DMAP1: variants seen among roughly 807,000 people sequenced by gnomAD.
DMAP1 encodes DNA methyltransferase 1-associated protein 1.
Under a neutral mutation model 52.7 loss-of-function variants are expected in DMAP1, and 26 were observed. The observed-to-expected ratio is 0.49, with a 90% CI of 0.36 to 0.68. DMAP1 has a LOEUF of 0.68. DMAP1 is among the 30% of genes least tolerant of loss of function. The pLI, the probability that DMAP1 is intolerant of heterozygous loss-of-function variation, is 0.00. For synonymous variants in DMAP1, 231 were observed against 246.0 expected (o/e 0.94, Z 0.57); for missense variants, 439 against 625.2 (o/e 0.70, Z 3.18).
Position 44,214,871 on chromosome 1 carries a change from G to A in DMAP1, c.366G>A (p.Lys122=), listed in dbSNP as rs773176484. The change falls in exon 3 of 10, where the codon AAG becomes AAA. Residue 122 remains lysine, a synonymous_variant. Transcript: ENST00000372289. ...FHWRRAAEEG[K]DYPFARFNKT... Reference sequence around the variant, plus strand: ...GGCGACGTGCAGCGGAGGAGGGCAAGGACTACCCCTTTGCCAGGTTCAATA... The same window carrying A: ...GGCGACGTGCAGCGGAGGAGGGCAAAGACTACCCCTTTGCCAGGTTCAATA... The A allele has an allele frequency of 9.3e-6, 15 of 1,614,180 alleles. No individual in the cohort carries two copies. Among genetic ancestry groups the A allele is most frequent in the Non-Finnish European group, 1.3e-5 (15 of 1,180,034 alleles).
At chr1:44,219,004 A>G (rs1392850297) in intron 5 of DMAP1, 52 bp from the exon 6 acceptor site, 4 of 1,599,668 alleles carry the variant, frequency 2.5e-6, no homozygotes, top group Non-Finnish European at 2.6e-6. Context: ...CTCCGTGTCT[A>G]CCCTCACTCC....
chr1:44,218,061 T>C lies in DMAP1; in HGVS notation c.394-250T>C. On this transcript the variant is annotated intron_variant, in intron 3 of 9. Coordinates refer to ENST00000372289, the MANE Select transcript of DMAP1 (RefSeq NM_019100.5). The surrounding 1 kb of genome is among the most constrained non-coding windows in gnomAD (Gnocchi z 5.6). ...CCTTAACTATGGGGGCAGGAGTGTG[T>C]GTCCCATGACTGAGGCTCTGGAGCT... is the stretch of plus-strand genomic sequence containing the variant. 1 of 589,602 alleles carries C rather than the reference T, an allele frequency of 1.7e-6. No individual in the cohort carries two copies. The highest frequency in any genetic ancestry group is 3.1e-6 in the Non-Finnish European group (1 of 324,672). The allele number at this position is 589,602 out of a possible 1,614,324, so 36.5% of individuals were successfully genotyped here.
At chr1:44,220,498 C>T in intron 9 of DMAP1, 61 bp from the exon 10 acceptor site, 3 of 1,613,998 alleles carry the variant, frequency 1.9e-6, no homozygotes. Context: ...GAAGCACATG[C>T]ACTAAGCCTG....
In DMAP1 at chr1:44,218,967, C is replaced by T; in HGVS notation, c.721-89C>T. On this transcript the variant is annotated intron_variant, in intron 5 of 9. Transcript: ENST00000372289. This position sits in a 1 kb window ranked among gnomAD's most constrained non-coding sequence, Gnocchi z 5.6. ...CATGATCCATTACTTCTCAGATTCC[C>T]TCACAGACAGCCCAGCACCCTGTCA... is the stretch of plus-strand genomic sequence containing the variant. The T allele has an allele frequency of 6.5e-7, 1 of 1,528,362 alleles. No homozygotes were observed. The highest frequency in any genetic ancestry group is 8.9e-7 in the Non-Finnish European group (1 of 1,124,408). The allele number at this position is 1,528,362 out of a possible 1,614,324, so 94.7% of individuals were successfully genotyped here.
chr1:44,214,609 G>A, intron 2 of DMAP1, 94 bp from the exon 3 acceptor site: 2 of 1,613,262 alleles, frequency 1.2e-6, no homozygotes, highest in South Asian at 2.2e-5. Flanking sequence ...TGACTTTCTT[G>A]CTATAGGGTA....
At chr1:44,215,838 T>G (rs1210292018) in intron 3 of DMAP1, 1 of 158,906 alleles carries the variant, frequency 6.3e-6, no homozygotes, top group Non-Finnish European at 1.4e-5. Flanking sequence ...ACTCACCCAT[T>G]CAGTGAGAGG....
chr1:44,218,696 G>A lies in DMAP1; in HGVS notation c.661G>A (p.Gly221Arg), dbSNP rs746856748. The A allele has an allele frequency of 6.2e-6, 10 of 1,613,688 alleles. No individual in the cohort carries two copies. The highest frequency in any genetic ancestry group is 4.0e-5 in the African/African-American group (3 of 74,894). ...TDLKIPVFDA[G>R]HERRRKEQLE... ...CCTTAAGATACCAGTATTTGATGCT[G>A]GGCACGAACGACGGCGGAAGGAACA... Residue 221 changes from glycine to arginine, a missense_variant, in exon 5 of 10, where the codon GGG becomes AGG. By Grantham distance (125) the Gly-to-Arg change is moderately radical. Coordinates refer to ENST00000372289, the MANE Select transcript of DMAP1 (RefSeq NM_019100.5). The surrounding 1 kb of genome is among the most constrained non-coding windows in gnomAD (Gnocchi z 5.6).
At position 44,213,934 on chromosome 1, in the gene DMAP1, G is replaced by A. The variant is rs918160716; in HGVS notation, c.105+76G>A. On this transcript the variant is annotated intron_variant, in intron 1 of 9. Coordinates refer to ENST00000372289, the MANE Select transcript of DMAP1 (RefSeq NM_019100.5). This position sits in a 1 kb window ranked among gnomAD's most constrained non-coding sequence, Gnocchi z 4.5. ...ATGGGGAGGAGTGACAACGGGCAAG[G>A]GATGGGTGCTACACTTACAGTGAGT... The A allele has an allele frequency of 4.5e-6, 6 of 1,326,464 alleles. No individual in the cohort carries two copies. In the African/African-American group the frequency reaches 8.7e-5, roughly 19 times the overall value. The allele number at this position is 1,326,464 out of a possible 1,614,324, so 82.2% of individuals were successfully genotyped here.
chr1:44,219,522 C>A (rs1313804178), intron 7 of DMAP1, 45 bp downstream of exon 7: 2 of 1,518,750 alleles, frequency 1.3e-6, no homozygotes, highest in Non-Finnish European at 1.8e-6. Context: ...CTGGGCTCTG[C>A]TCTGGGCTCC....
rs1643736575 is a variant in DMAP1 at position 44,213,997 on chromosome 1, A to G, written c.105+139A>G. ...GGGGTGACATAACAGGACAGGGAAT[A>G]TGTGTCATCCTTGATGGGAGGGAGG... On this transcript the variant is annotated intron_variant, in intron 1 of 9. Coordinates refer to ENST00000372289, the MANE Select transcript of DMAP1 (RefSeq NM_019100.5). This position sits in a 1 kb window ranked among gnomAD's most constrained non-coding sequence, Gnocchi z 4.5. 3.7e-6 allele frequency: 3 copies of G among 807,674 alleles called. No homozygotes were observed. Among genetic ancestry groups the G allele is most frequent in the African/African-American group, 1.7e-5 (1 of 58,368 alleles). 50.0% of individuals were successfully genotyped at this position (807,674 alleles called of 1,614,324 possible).
chr1:44,216,710 C>CAG (rs1643801379), intron 3 of DMAP1: 1 of 152,202 alleles, frequency 6.6e-6, no homozygotes, highest in African/African-American at 2.4e-5. Flanking sequence ...CAGGCAAGAG[C>CAG]AGAGGTCAAG....
rs995019407 is a variant in DMAP1 at position 44,219,533 on chromosome 1, A to G, written c.978+56A>G. ...GGTCCTGGGCTCTGCTCTGGGCTCC[A>G]TGTGTCCCAAACGCTGCAGGCAGGT... On this transcript the variant is annotated intron_variant, in intron 7 of 9. Coordinates refer to ENST00000372289, the MANE Select transcript of DMAP1 (RefSeq NM_019100.5). The G allele has an allele frequency of 6.7e-6, 10 of 1,493,294 alleles. No individual in the cohort carries two copies. In the South Asian group the frequency reaches 9.4e-5, roughly 14 times the overall value. The allele number at this position is 1,493,294 out of a possible 1,614,324, so 92.5% of individuals were successfully genotyped here. A position where few individuals can be genotyped will look rare whatever the true frequency, so the allele number is the denominator to read the frequency against.
rs1342796687 is a variant in DMAP1, at chr1:44,218,273, T to C, written c.394-38T>C. ...CTGGAGCCTGCTGGACATGACATCATGCGGGCATGCCCCTACTGTGTCCCT... is the reference window on the plus strand; with the variant it reads ...CTGGAGCCTGCTGGACATGACATCACGCGGGCATGCCCCTACTGTGTCCCT... On this transcript the variant is annotated intron_variant, in intron 3 of 9. Coordinates refer to ENST00000372289, the MANE Select transcript of DMAP1 (RefSeq NM_019100.5). This position sits in a 1 kb window ranked among gnomAD's most constrained non-coding sequence, Gnocchi z 5.6. The C allele has an allele frequency of 2.5e-6, 4 of 1,614,178 alleles. No homozygotes were observed. The highest frequency in any genetic ancestry group is 1.7e-5 in the Admixed American group (1 of 60,036).
At chr1:44,215,278 C>T (rs774991559) in intron 3 of DMAP1, 1 of 462,762 alleles carries the variant, frequency 2.2e-6, no homozygotes, top group South Asian at 1.5e-5. Context: ...CAGTCATTTA[C>T]TAATATCTCT....
intron 7 of DMAP1, 153 bp downstream of exon 7, chr1:44,219,630 C>A: frequency 8.7e-7 from 1 of 1,149,924 alleles, no homozygotes. Context: ...TGTGGCCAGG[C>A]TAAGGTCATA....
At position 44,214,415 on chromosome 1, in the gene DMAP1, C is replaced by G. The variant is rs756893684; in HGVS notation, c.171C>G (p.Val57=). Residue 57 remains valine, a synonymous_variant, in exon 2 of 10, where the codon GTC becomes GTG. Transcript: ENST00000372289. ...GGCCCGAGGGCATGCACCGGGAAGT[C>G]TATGCCTTGCTCTACTCTGACAAGA... The part of the protein sequence containing the change: ...FKRPEGMHRE[V]YALLYSDKKD... 6.2e-7 allele frequency: 1 copy of G among 1,614,166 alleles called. No homozygotes were observed. Among genetic ancestry groups the G allele is most frequent in the South Asian group, 1.1e-5 (1 of 91,076 alleles).
intron 1 of DMAP1, 42 bp from the exon 2 acceptor site, chr1:44,214,308 A>C (rs951929304): frequency 1.9e-6 from 3 of 1,582,936 alleles, no homozygotes; most frequent in Admixed American, 3.3e-5. Flanking sequence ...TTTTCAGGAA[A>C]GGGTCTAGGT....
chr1:44,219,717 C>G (rs1643870450), intron 7 of DMAP1, 89 bp from the exon 8 acceptor site: 1 of 1,499,460 alleles, frequency 6.7e-7, no homozygotes, highest in Non-Finnish European at 9.2e-7. Flanking sequence ...TACCGTCTCT[C>G]TTCCACCATC....
chr1:44,219,591 CAG>C (rs1643868464), intron 7 of DMAP1, 114 bp downstream of exon 7: 29 of 1,231,176 alleles, frequency 2.4e-5, no homozygotes, highest in Non-Finnish European at 3.3e-5. Flanking sequence ...TTGCTGCAGA[CAG>C]AGGTGGCCTT....
Sources: allele counts gnomAD v4.1 joint callset, GRCh38; gene constraint gnomAD v4.1.1; non-coding constraint Gnocchi (gnomAD v3.1); transcripts MANE v1.5; gene names NCBI Gene and HGNC (gene_info 2026-07-23, HGNC 2026-07-21).